The following MEMO1 variants were observed in gnomAD, a reference collection of about 807,000 sequenced individuals.
The protein encoded by MEMO1 is protein MEMO1.
Under a neutral mutation model 45.2 loss-of-function variants are expected in MEMO1, and 6 were observed. The ratio of observed to expected loss-of-function variants is 0.13; its 90% CI spans 0.07 to 0.26. The LOEUF (loss-of-function observed/expected upper bound fraction) is 0.26, where lower values mean the gene tolerates loss of function less well. MEMO1 is among the 10% of genes least tolerant of loss of function. The probability of loss-of-function intolerance (pLI) is 1.00; values close to 1 mark genes in which losing one functional copy is unlikely to be tolerated. For missense variants in MEMO1, 184 were observed against 370.5 expected (o/e 0.50, Z 4.13); for synonymous variants, 78 against 124.3 (o/e 0.63, Z 2.48).
chr2:31,960,192 C>T (rs1389034537), intron 2 of MEMO1, among the ~76,000 whole-genome samples: 2 of 148,918 alleles, frequency 1.3e-5, no homozygotes, highest in Non-Finnish European at 3.0e-5. Flanking sequence ...GCAAGATCCT[C>T]TCTCAAAAAA....
intron 6 of MEMO1, among the ~76,000 whole-genome samples, chr2:31,904,502 A>G (rs1179485707): frequency 6.6e-6 from 1 of 152,204 alleles, no homozygotes; most frequent in Non-Finnish European, 1.5e-5. Flanking sequence ...CCTCCACATA[A>G]GGGAGAACAG....
At chr2:31,928,345 C>A (rs1041507166) in intron 4 of MEMO1, among the ~76,000 whole-genome samples, 1 of 152,150 alleles carries the variant, frequency 6.6e-6, no homozygotes, top group Non-Finnish European at 1.5e-5. Context: ...GTGTTCGAGA[C>A]CAGCCTAGCC....
chr2:31,976,380 C>T (rs1670006109), intron 2 of MEMO1, among the ~76,000 whole-genome samples: 1 of 151,652 alleles, frequency 6.6e-6, no homozygotes, highest in Non-Finnish European at 1.5e-5. Flanking sequence ...GAGTTCGAAA[C>T]CAGGCAGGCC....
At chr2:31,986,816 A>G (rs1188575174) in intron 2 of MEMO1, among the ~76,000 whole-genome samples, 1 of 152,228 alleles carries the variant, frequency 6.6e-6, no homozygotes, top group Non-Finnish European at 1.5e-5. Flanking sequence ...AGAGGAAAAC[A>G]GACTACTTCC....
intron 6 of MEMO1, among the ~76,000 whole-genome samples, chr2:31,912,080 C>T (rs912563227): frequency 6.6e-6 from 1 of 152,058 alleles, no homozygotes; most frequent in African/African-American, 2.4e-5. Flanking sequence ...ACACCTATAA[C>T]CCTAGCACTT....
intron 2 of MEMO1, among the ~76,000 whole-genome samples, chr2:31,979,885 T>C (rs1032626452): frequency 2.0e-5 from 3 of 152,094 alleles, no homozygotes; most frequent in African/African-American, 7.2e-5. Flanking sequence ...CTGTGAAATG[T>C]TACTATGTAA....
chr2:31,980,384 G>C (rs185548710), intron 2 of MEMO1, among the ~76,000 whole-genome samples: 1 of 152,090 alleles, frequency 6.6e-6, no homozygotes, highest in Non-Finnish European at 1.5e-5. Flanking sequence ...AATGAGCTAC[G>C]ATCACACCAC....
At chr2:31,890,698 A>G (rs1471255392) in intron 7 of MEMO1, among the ~76,000 whole-genome samples, 1 of 152,176 alleles carries the variant, frequency 6.6e-6, no homozygotes, top group East Asian at 1.9e-4. Flanking sequence ...GGGTTTCCCA[A>G]CCTCAGCACT....
At chr2:31,989,703 A>G (rs1671707392) in intron 2 of MEMO1, among the ~76,000 whole-genome samples, 1 of 152,234 alleles carries the variant, frequency 6.6e-6, no homozygotes, top group African/African-American at 2.4e-5. Flanking sequence ...AGATATATTA[A>G]ATATATGTAA....
chr2:31,980,526 T>C (rs562343559), intron 2 of MEMO1, among the ~76,000 whole-genome samples: 2 of 152,322 alleles, frequency 1.3e-5, no homozygotes, highest in East Asian at 1.9e-4. Context: ...TTTAAATGCA[T>C]GAGTCAAATT....
chr2:31,969,790 T>C (rs906470957), intron 2 of MEMO1, among the ~76,000 whole-genome samples: 1 of 151,754 alleles, frequency 6.6e-6, no homozygotes, highest in African/African-American at 2.4e-5. Flanking sequence ...TTTTTTTTTT[T>C]TAAGACAAGG....
intron 2 of MEMO1, among the ~76,000 whole-genome samples, chr2:32,005,188 C>A (rs1219325040): frequency 1.3e-5 from 2 of 151,780 alleles, no homozygotes; most frequent in African/African-American, 4.8e-5. Flanking sequence ...GGTGCAGTGG[C>A]TCACACCTAT....
At chr2:32,000,251 C>T (rs555876269) in intron 2 of MEMO1, among the ~76,000 whole-genome samples, 5 of 149,392 alleles carry the variant, frequency 3.3e-5, no homozygotes, top group Non-Finnish European at 7.4e-5. Flanking sequence ...TTTTTTGAGA[C>T]GGAGTTTCAC....
chr2:31,920,957 C>G (rs779329236), intron 4 of MEMO1, 47 bp from the exon 5 acceptor site: 1 of 1,228,468 alleles, frequency 8.1e-7, no homozygotes, highest in South Asian at 1.3e-5. Context: ...CACTTCTACA[C>G]AAACCTTATT....
At chr2:31,926,099 G>T (rs1439092917) in intron 4 of MEMO1, among the ~76,000 whole-genome samples, 1 of 152,176 alleles carries the variant, frequency 6.6e-6, no homozygotes, top group Non-Finnish European at 1.5e-5. Flanking sequence ...AGGCACGGTG[G>T]TTCATGCCTG....
chr2:31,991,549 C>G (rs1405277668), intron 2 of MEMO1, among the ~76,000 whole-genome samples: 1 of 121,434 alleles, frequency 8.2e-6, no homozygotes, highest in Non-Finnish European at 1.7e-5. Context: ...CCAGCCTGGG[C>G]AACAAGAGCA....
intron 2 of MEMO1, among the ~76,000 whole-genome samples, chr2:31,980,086 G>A (rs976706412): frequency 6.6e-5 from 10 of 151,440 alleles, no homozygotes; most frequent in African/African-American, 1.2e-4. Context: ...TAAAAAGAAC[G>A]GAAACTAATG....
intron 2 of MEMO1, among the ~76,000 whole-genome samples, chr2:31,970,462 G>GT (rs984676110): frequency 6.6e-6 from 1 of 152,058 alleles, no homozygotes; most frequent in Admixed American, 6.6e-5. Flanking sequence ...CAGTTTCATG[G>GT]TTTTTTATTG....
intron 6 of MEMO1, among the ~76,000 whole-genome samples, chr2:31,909,431 C>A (rs1489204601): frequency 1.3e-5 from 2 of 152,108 alleles, no homozygotes; most frequent in African/African-American, 4.8e-5. Flanking sequence ...AAAATCAACA[C>A]AGAAAAATCA....
Sources: allele counts gnomAD v4.1 joint callset (sites outside exome capture counted in the v4.1 genomes callset), GRCh38; gene constraint gnomAD v4.1.1; transcripts MANE v1.5; gene names NCBI Gene and HGNC (gene_info 2026-07-23, HGNC 2026-07-21).